The following COL24A1 variants were observed in gnomAD, a reference collection of about 807,000 sequenced individuals.
The protein encoded by COL24A1 is collagen type XXIV alpha 1 chain.
A neutral mutation model predicts 253.9 loss-of-function variants in COL24A1; 224 were observed. The observed-to-expected ratio is 0.88, with a 90% confidence interval of 0.79 to 0.99. The LOEUF (loss-of-function observed/expected upper bound fraction) is 0.99, where lower values mean the gene tolerates loss of function less well. Ranked by LOEUF, COL24A1 falls within the 50% of genes least tolerant of loss-of-function variation. The pLI is 0.00. For synonymous variants in COL24A1, 685 were observed against 673.7 expected (o/e 1.02, Z -0.26); for missense variants, 2,131 against 2,068.5 (o/e 1.03, Z -0.59).
At chr1:85,919,408 G>A (rs999051541) in intron 24 of COL24A1, among the ~76,000 whole-genome samples, 7 of 152,360 alleles carry the variant, frequency 4.6e-5, no homozygotes, top group African/African-American at 1.7e-4. Context: ...GCCAGGCATG[G>A]TGGCTCATGC....
chr1:86,049,013 A>T (rs1334111889), intron 11 of COL24A1, among the ~76,000 whole-genome samples: 1 of 152,202 alleles, frequency 6.6e-6, no homozygotes, highest in Non-Finnish European at 1.5e-5. Context: ...GTAATTAACA[A>T]CGTAAACTGG....
chr1:85,769,325 A>T (rs1667716153), intron 53 of COL24A1, among the ~76,000 whole-genome samples: 1 of 152,160 alleles, frequency 6.6e-6, no homozygotes. Context: ...GTACTATGTC[A>T]GTTGGTAGAG....
chr1:85,851,881 C>T (rs11161689), intron 37 of COL24A1, among the ~76,000 whole-genome samples: 30,116 of 152,136 alleles, frequency 0.2, 3,358 homozygotes, highest in Non-Finnish European at 0.24. Flanking sequence ...TTGTTTATTA[C>T]GACTTTGGAC....
At chr1:85,879,803 A>G (rs1072508) in intron 32 of COL24A1, among the ~76,000 whole-genome samples, 119,492 of 152,062 alleles carry the variant, frequency 0.79, 47,324 homozygotes, top group Non-Finnish European at 0.84. Flanking sequence ...GGTTGTTCTC[A>G]CTGTCTCAGG....
chr1:85,921,350 A>G lies in COL24A1; in HGVS notation c.2563-9917T>C, dbSNP rs542285230. On this transcript the variant is annotated intron_variant, in intron 24 of 59. Transcript: ENST00000370571. ...CTCACTGCTAGAGCAGCAGTCTGAG[A>G]TCGACCTGTGAGGCAGCAGCCTGGC... Among the ~76,000 whole-genome samples the G allele has an allele frequency of 3.9e-5, 6 of 152,324 alleles. 1 individual carries two copies. The South Asian group carries it at 1.2e-3, about 32-fold the overall frequency.
chr1:85,855,178 A>C (rs1010824933), intron 37 of COL24A1, among the ~76,000 whole-genome samples: 8 of 152,186 alleles, frequency 5.3e-5, no homozygotes, highest in African/African-American at 1.9e-4. Context: ...TATAATCTGC[A>C]AAAAGAGTTT....
At chr1:85,863,690 C>G (rs1036313272) in intron 37 of COL24A1, among the ~76,000 whole-genome samples, 1 of 151,988 alleles carries the variant, frequency 6.6e-6, no homozygotes, top group African/African-American at 2.4e-5. Context: ...ACAAAGAACT[C>G]AAACAAACTT....
chr1:85,775,731 T>A, intron 52 of COL24A1, 22 bp from the exon 53 acceptor site: 1 of 1,588,908 alleles, frequency 6.3e-7, no homozygotes, highest in South Asian at 1.1e-5. Flanking sequence ...AAAAAAGATG[T>A]TAGTTCATTG....
chr1:86,055,841 G>T (rs1700623302), intron 10 of COL24A1, among the ~76,000 whole-genome samples: 1 of 152,034 alleles, frequency 6.6e-6, no homozygotes, highest in South Asian at 2.1e-4. Context: ...AGTATTAAGG[G>T]GCTGAGCACG....
intron 24 of COL24A1, among the ~76,000 whole-genome samples, chr1:85,949,081 A>G (rs879253625): frequency 6.6e-6 from 1 of 152,138 alleles, no homozygotes; most frequent in Admixed American, 6.5e-5. Context: ...TATGAAAGCA[A>G]TCTGGTCTCA....
At position 86,125,424 on chromosome 1, in the gene COL24A1, T is replaced by A; in HGVS notation, c.912A>T (p.Arg304Ser). ...GAGATCTTGATATCTGGTGTTCTTG[T>A]CTTTTATACACGGTTTCAGAATCAT... ...IKNDSETVYKRQEHQISRSQL... is the reference protein window; with the variant it reads ...IKNDSETVYKSQEHQISRSQL... The change falls in exon 3 of 60, where the codon AGA becomes AGT. Residue 304 changes from arginine (R) to serine (S), a missense_variant. Physicochemically the swap from Arg to Ser is moderately radical, Grantham distance 110. Coordinates refer to ENST00000370571, the MANE Select transcript of COL24A1 (RefSeq NM_152890.7). The A allele has an allele frequency of 8.7e-6, 14 of 1,613,632 alleles. No homozygotes were observed. Among genetic ancestry groups the A allele is most frequent in the Non-Finnish European group, 1.2e-5 (14 of 1,179,796 alleles).
At chr1:86,021,735 T>C (rs531190360) in intron 18 of COL24A1, among the ~76,000 whole-genome samples, 47 of 152,176 alleles carry the variant, frequency 3.1e-4, no homozygotes, top group African/African-American at 1.1e-3. Flanking sequence ...TTTAGATTTA[T>C]AATTTTTTGA....
At chr1:85,850,814 G>A (rs1019405408) in intron 37 of COL24A1, among the ~76,000 whole-genome samples, 1 of 151,976 alleles carries the variant, frequency 6.6e-6, no homozygotes, top group Non-Finnish European at 1.5e-5. Flanking sequence ...CTTTAGAAAG[G>A]ACTAGACTTA....
rs1663324326 is a variant in COL24A1 at position 85,730,056 on chromosome 1, A to G, written c.*490T>C. ...GCAACACAAAGAGGCAACACGTAAG[A>G]GGTAGTGTATCACCGGCTAAGATGT... On this transcript the variant is annotated 3_prime_UTR_variant, in exon 60 of 60. Coordinates refer to ENST00000370571, the MANE Select transcript of COL24A1 (RefSeq NM_152890.7). 6.5e-6 allele frequency: 1 copy of G among 152,782 alleles called. No individual in the cohort carries two copies. Among genetic ancestry groups the G allele is most frequent in the Non-Finnish European group, 1.5e-5 (1 of 68,144 alleles). The allele number at this position is 152,782 out of a possible 1,614,324, so 9.5% of individuals were successfully genotyped here.
chr1:86,024,228 C>A (rs181597288), intron 14 of COL24A1, among the ~76,000 whole-genome samples: 1 of 152,242 alleles, frequency 6.6e-6, no homozygotes, highest in East Asian at 1.9e-4. Context: ...GTTACCAGTA[C>A]TAGAATGCAC....
intron 19 of COL24A1, among the ~76,000 whole-genome samples, chr1:85,991,459 G>T (rs1362080417): frequency 2.0e-5 from 3 of 152,344 alleles, no homozygotes; most frequent in African/African-American, 7.2e-5. Flanking sequence ...AGCTGGGCTT[G>T]TGGTTTCATG....
intron 38 of COL24A1, among the ~76,000 whole-genome samples, chr1:85,848,893 TA>T (rs1236183461): frequency 5.3e-5 from 8 of 152,278 alleles, no homozygotes; most frequent in Admixed American, 5.2e-4. Flanking sequence ...AAATATAAAG[TA>T]AGCAAATAAA....
At chr1:86,065,978 T>C (rs1238035465) in intron 7 of COL24A1, among the ~76,000 whole-genome samples, 2 of 152,148 alleles carry the variant, frequency 1.3e-5, no homozygotes, top group African/African-American at 4.8e-5. Flanking sequence ...ATTGAAATTA[T>C]GTTAAGACAG....
rs1264692984 is a variant in COL24A1, at chr1:85,927,506, G to A, written c.2563-16073C>T. Reference sequence around the variant, plus strand: ...GCAAGGCGGCAACGAGGCTGGGGGAGGGGCGCCCGCCATTGCCCAGGCTTG... The same window carrying A: ...GCAAGGCGGCAACGAGGCTGGGGGAAGGGCGCCCGCCATTGCCCAGGCTTG... On this transcript the variant is annotated intron_variant, in intron 24 of 59. Coordinates refer to ENST00000370571, the MANE Select transcript of COL24A1 (RefSeq NM_152890.7). Among the ~76,000 whole-genome samples the A allele has an allele frequency of 3.8e-3, 489 of 130,244 alleles. 2 individuals carry two copies. The highest frequency in any genetic ancestry group is 0.014 in the African/African-American group (468 of 34,516). The allele number at this position is 130,244 out of a possible 152,430, so 85.4% of individuals were successfully genotyped here.
Sources: gnomAD v4.1 joint callset for allele counts (sites outside exome capture counted in the v4.1 genomes callset) on GRCh38, gnomAD v4.1.1 for gene constraint, MANE v1.5 for transcripts, NCBI Gene and HGNC (gene_info 2026-07-23, HGNC 2026-07-21) for gene names.